MOB3B: variants seen among roughly 807,000 people sequenced by gnomAD.
MOB3B encodes the protein MOB kinase activator-like 2B.
A neutral mutation model predicts 18.7 loss-of-function variants in MOB3B; 7 were observed. The observed-to-expected ratio is 0.37, with a 90% CI of 0.21 to 0.70. The LOEUF (loss-of-function observed/expected upper bound fraction) is 0.70. Among genes scored for constraint, MOB3B ranks in the 30% least tolerant of loss-of-function variants. MOB3B has a pLI of 0.52. For missense variants in MOB3B, 253 were observed against 281.3 expected, an observed-to-expected ratio of 0.90 and a Z score of 0.72; for synonymous variants, 111 against 99.9, an observed-to-expected ratio of 1.11 and a Z score of -0.66.
chr9:27,365,390 G>A (rs1411998024), intron 2 of MOB3B, among the ~76,000 whole-genome samples: 2 of 131,330 alleles, frequency 1.5e-5, no homozygotes, highest in Non-Finnish European at 3.2e-5. Context: ...TTTTCAGGTA[G>A]TGAGAGTTAA....
chr9:27,385,753 T>C (rs1413673999), intron 2 of MOB3B, among the ~76,000 whole-genome samples: 3 of 152,192 alleles, frequency 2.0e-5, no homozygotes, highest in Non-Finnish European at 4.4e-5. Flanking sequence ...TTGAAGTTAA[T>C]TGTTTACTGA....
chr9:27,333,143 G>C (rs10967895), intron 3 of MOB3B, among the ~76,000 whole-genome samples: 50,233 of 151,944 alleles, frequency 0.33, 8,528 homozygotes, highest in Admixed American at 0.37. Context: ...AACAGTTTCA[G>C]AGAGGACAGG....
chr9:27,443,384 A>T (rs1426640251), intron 2 of MOB3B, among the ~76,000 whole-genome samples: 1 of 152,170 alleles, frequency 6.6e-6, no homozygotes, highest in Admixed American at 6.5e-5. Context: ...GTACTCTATT[A>T]TTTGTAGTCT....
intron 2 of MOB3B, among the ~76,000 whole-genome samples, chr9:27,409,332 A>G (rs772092721): frequency 6.6e-6 from 1 of 152,220 alleles, no homozygotes; most frequent in Non-Finnish European, 1.5e-5. Flanking sequence ...AGACGATCAC[A>G]GCCACACAGA....
At position 27,455,373 on chromosome 9, in the gene MOB3B, C is replaced by G; in HGVS notation, c.178G>C (p.Val60Leu). Residue 60 changes from valine to leucine, a missense_variant, in exon 2 of 4, where the codon GTG becomes CTG. By Grantham distance (32) the Val-to-Leu change is conservative (BLOSUM62 1). Coordinates refer to ENST00000262244, the MANE Select transcript of MOB3B (RefSeq NM_024761.5). ...AAGAAGTCCACCACATGTACTGCCA[C>G]CCAGTCATTCTGGTCCTCCCCACTG... ...LPSGEDQNDW[V>L]AVHVVDFFNR... 1 of 1,614,204 alleles carries G rather than the reference C, an allele frequency of 6.2e-7. No homozygotes were observed. Among genetic ancestry groups the G allele is most frequent in the South Asian group, 1.1e-5 (1 of 91,090 alleles).
At chr9:27,426,687 C>A (rs182457729) in intron 2 of MOB3B, among the ~76,000 whole-genome samples, 26 of 152,206 alleles carry the variant, frequency 1.7e-4, no homozygotes, top group Non-Finnish European at 2.6e-4. Context: ...ACTGTCCCCC[C>A]CTGCCCGACT....
intron 2 of MOB3B, among the ~76,000 whole-genome samples, chr9:27,420,171 A>G (rs1387091530): frequency 6.6e-6 from 1 of 152,124 alleles, no homozygotes; most frequent in Non-Finnish European, 1.5e-5. Flanking sequence ...TTTGGCATGG[A>G]TGCAGTGATC....
At chr9:27,335,267 T>C (rs1448834769) in intron 3 of MOB3B, among the ~76,000 whole-genome samples, 3 of 152,208 alleles carry the variant, frequency 2.0e-5, no homozygotes, top group East Asian at 3.8e-4. Context: ...GCTGCTGTTA[T>C]AGCTGGGAGG....
intron 2 of MOB3B, among the ~76,000 whole-genome samples, chr9:27,454,156 C>T (rs1007981488): frequency 2.0e-5 from 3 of 152,212 alleles, no homozygotes; most frequent in Admixed American, 6.5e-5. Flanking sequence ...CTTCCATACA[C>T]GCCCTTCTCA....
In MOB3B at chr9:27,384,517, C is replaced by G. The variant is rs1272559733; in HGVS notation, c.419-25281G>C. ...TAATGAAAAAAATCTGGCCATTTGA[C>G]AGCAAAATCATTCTTATTAAAACAA... On this transcript the variant is annotated intron_variant, in intron 2 of 3. Coordinates refer to ENST00000262244, the MANE Select transcript of MOB3B (RefSeq NM_024761.5). 2.6e-5 allele frequency among the ~76,000 whole-genome samples: 4 copies of G among 152,186 alleles called. No homozygotes were observed. The East Asian group carries it at 7.7e-4, about 29-fold the overall frequency.
intron 1 of MOB3B, among the ~76,000 whole-genome samples, chr9:27,483,375 G>A (rs940398367): frequency 6.6e-5 from 10 of 152,024 alleles, no homozygotes; most frequent in Middle Eastern, 6.8e-3. Flanking sequence ...TTTGTGATCC[G>A]CCCGCCTCGG....
Position 27,448,451 on chromosome 9 carries a change from C to T in MOB3B, c.418+6682G>A, listed in dbSNP as rs138104955. Among the ~76,000 whole-genome samples, 25 of 152,272 alleles carry T rather than the reference C, an allele frequency of 1.6e-4. No individual in the cohort carries two copies. The East Asian group carries it at 4.4e-3, about 27-fold the overall frequency. ...CAATCATGGTGGAAAGCAAAAGGCA[C>T]GTCTTACTTGGCAGCAGACAAGAGA... On this transcript the variant is annotated intron_variant, in intron 2 of 3. Coordinates refer to ENST00000262244, the MANE Select transcript of MOB3B (RefSeq NM_024761.5).
chr9:27,494,343 T>C (rs994968688), intron 1 of MOB3B, among the ~76,000 whole-genome samples: 1 of 152,212 alleles, frequency 6.6e-6, no homozygotes, highest in African/African-American at 2.4e-5. Flanking sequence ...CCACACCTAT[T>C]TGCACACTCC....
At position 27,326,143 on chromosome 9, in the gene MOB3B, C is replaced by T. The variant is rs1468474490; in HGVS notation, c.*4444G>A. The T allele has an allele frequency of 4.2e-6, 1 of 239,842 alleles. No homozygotes were observed. Among genetic ancestry groups the T allele is most frequent in the African/African-American group, 2.2e-5 (1 of 45,004 alleles). 14.9% of individuals were successfully genotyped at this position (239,842 alleles called of 1,614,324 possible). A position where few individuals can be genotyped will look rare whatever the true frequency, so the allele number is the denominator to read the frequency against. On this transcript the variant is annotated 3_prime_UTR_variant, in exon 4 of 4. Transcript: ENST00000262244. ...AGCAGGTCTGGACTTAGCAAAGAAACAATATAGTTTGGAGAAGGCATGAAA... is the reference window on the plus strand; with the variant it reads ...AGCAGGTCTGGACTTAGCAAAGAAATAATATAGTTTGGAGAAGGCATGAAA...
chr9:27,496,330 T>G (rs1252120363), intron 1 of MOB3B, among the ~76,000 whole-genome samples: 3 of 152,200 alleles, frequency 2.0e-5, no homozygotes, highest in African/African-American at 7.2e-5. Flanking sequence ...GTGTTAAGTT[T>G]CAATGGACAG....
At chr9:27,508,807 T>C (rs1473737199) in intron 1 of MOB3B, among the ~76,000 whole-genome samples, 1 of 152,080 alleles carries the variant, frequency 6.6e-6, no homozygotes, top group Non-Finnish European at 1.5e-5. Flanking sequence ...AATCACCCAG[T>C]CTAAATATTG....
rs1477032251 is a variant in MOB3B at position 27,465,724 on chromosome 9, C to A, written c.-198-9976G>T. ...AGGGGGAGGTTTCCAAACCTCAATTCTTGACTTCTGTGCACCCACAGGCTC... is the reference window on the plus strand; with the variant it reads ...AGGGGGAGGTTTCCAAACCTCAATTATTGACTTCTGTGCACCCACAGGCTC... On this transcript the variant is annotated intron_variant, in intron 1 of 3. Coordinates refer to ENST00000262244, the MANE Select transcript of MOB3B (RefSeq NM_024761.5). 2.6e-5 allele frequency among the ~76,000 whole-genome samples: 4 copies of A among 152,332 alleles called. 1 individual carries two copies. Among genetic ancestry groups the A allele is most frequent in the Middle Eastern group, 6.8e-3 (2 of 294 alleles).
At chr9:27,436,035 C>A (rs4878454) in intron 2 of MOB3B, among the ~76,000 whole-genome samples, 6,614 of 152,222 alleles carry the variant, frequency 0.043, 380 homozygotes, top group African/African-American at 0.14. Context: ...TCAGTTTTCT[C>A]ACGTCAGGAC....
At position 27,382,995 on chromosome 9, in the gene MOB3B, T is replaced by A. The variant is rs186886097; in HGVS notation, c.419-23759A>T. On this transcript the variant is annotated intron_variant, in intron 2 of 3. Transcript: ENST00000262244. ...GGGGAGAGGAGAATAAATTGATTAG[T>A]AAGATCATAAGAGAGAGTTTAGCAG... Among the ~76,000 whole-genome samples, 46 of 152,206 alleles carry A rather than the reference T, an allele frequency of 3.0e-4. No homozygotes were observed. In the East Asian group the frequency reaches 7.7e-3, roughly 26 times the overall value.
Sources: allele counts gnomAD v4.1 joint callset (sites outside exome capture counted in the v4.1 genomes callset), GRCh38; gene constraint gnomAD v4.1.1; transcripts MANE v1.5; gene names NCBI Gene and HGNC (gene_info 2026-07-23, HGNC 2026-07-21).